FRMD5: variants seen among roughly 807,000 people sequenced by gnomAD.
The protein encoded by FRMD5 is FERM domain containing 5.
A neutral mutation model predicts 69.0 loss-of-function variants in FRMD5; 20 were observed. The ratio of observed to expected loss-of-function variants is 0.29; its 90% CI spans 0.20 to 0.42. FRMD5 has a LOEUF of 0.42. Ranked by LOEUF, FRMD5 falls within the 10% of genes least tolerant of loss-of-function variation. The pLI, the probability that FRMD5 is intolerant of heterozygous loss-of-function variation, is 1.00. For missense variants in FRMD5, 595 were observed against 708.6 expected (o/e 0.84, Z 1.82); for synonymous variants, 271 against 260.1 (o/e 1.04, Z -0.40).
chr15:43,880,839 G>A (rs771239984), intron 13 of FRMD5, among the ~76,000 whole-genome samples: 1 of 152,208 alleles, frequency 6.6e-6, no homozygotes, highest in Non-Finnish European at 1.5e-5. Flanking sequence ...CCCACTGTAC[G>A]TCTCTTTGCA....
In FRMD5 at chr15:43,938,208, G is replaced by T. The variant is rs572715770; in HGVS notation, c.103-13899C>A. On this transcript the variant is annotated intron_variant, in intron 1 of 13. Transcript: ENST00000417257. ...ATCGCGCCACTGGCAATCTGGCCTG[G>T]GCGAAAGAGCGAGACTCCGTCTCAA... is the stretch of plus-strand genomic sequence containing the variant. Among the ~76,000 whole-genome samples, 11 of 147,456 alleles carry T rather than the reference G, an allele frequency of 7.5e-5. No individual in the cohort carries two copies. In the South Asian group the frequency reaches 2.2e-3, roughly 29 times the overall value.
At chr15:43,925,492 C>T (rs1170137576) in intron 1 of FRMD5, among the ~76,000 whole-genome samples, 1 of 152,180 alleles carries the variant, frequency 6.6e-6, no homozygotes, top group African/African-American at 2.4e-5. Context: ...CATGTCACTG[C>T]AATGAATCTA....
chr15:43,954,751 T>G (rs1351311949), intron 1 of FRMD5, among the ~76,000 whole-genome samples: 1 of 152,212 alleles, frequency 6.6e-6, no homozygotes, highest in African/African-American at 2.4e-5. Context: ...TCCATGCCCT[T>G]TAATAAGACT....
intron 1 of FRMD5, among the ~76,000 whole-genome samples, chr15:43,936,125 A>C (rs914312616): frequency 1.3e-5 from 2 of 152,204 alleles, no homozygotes; most frequent in African/African-American, 4.8e-5. Context: ...CATGGTGTCC[A>C]GTGTTTGCAT....
chr15:43,967,658 G>A (rs28431326), intron 1 of FRMD5, among the ~76,000 whole-genome samples: 3 of 152,076 alleles, frequency 2.0e-5, no homozygotes, highest in African/African-American at 7.2e-5. Flanking sequence ...AGGCTGCACT[G>A]TTAGTACATT....
rs532265024 is a variant in FRMD5 at position 43,876,342 on chromosome 15, C to T, written c.1136-1880G>A. On this transcript the variant is annotated intron_variant, in intron 13 of 13. Coordinates refer to ENST00000417257, the MANE Select transcript of FRMD5 (RefSeq NM_032892.5). ...AACTACCCCTGATGCAGAGCTGGGACCACGGTTTGAGTCTCAAGTCTGCCT... is the reference window on the plus strand; with the variant it reads ...AACTACCCCTGATGCAGAGCTGGGATCACGGTTTGAGTCTCAAGTCTGCCT... 45 of 898,534 alleles carry T rather than the reference C, an allele frequency of 5.0e-5. No homozygotes were observed. In the East Asian group the frequency reaches 1.1e-3, roughly 22 times the overall value. 55.7% of individuals were successfully genotyped at this position (898,534 alleles called of 1,614,324 possible).
At position 43,897,487 on chromosome 15, in the gene FRMD5, C is replaced by CAAA. The variant is rs34243475; in HGVS notation, c.639+4685_639+4687dup. On this transcript the variant is annotated intron_variant, in intron 7 of 13. Transcript: ENST00000417257. ...GGGCAACAAGAGTGACACTCCATCTCAAAAAAAAAAAAAAAAAAAAAAAAA... is the reference window on the plus strand; with the variant it reads ...GGGCAACAAGAGTGACACTCCATCTCAAAAAAAAAAAAAAAAAAAAAAAAAAAA... Among the ~76,000 whole-genome samples, 137 of 16,126 alleles carry CAAA rather than the reference C, an allele frequency of 8.5e-3. 14 individuals carry two copies. Among genetic ancestry groups the CAAA allele is most frequent in the East Asian group, 0.053 (21 of 394 alleles). 10.6% of individuals were successfully genotyped at this position (16,126 alleles called of 152,430 possible).
At chr15:44,088,221 T>C (rs924764627) in intron 1 of FRMD5, among the ~76,000 whole-genome samples, 57 of 152,122 alleles carry the variant, frequency 3.7e-4, no homozygotes, top group South Asian at 6.2e-4. Context: ...TTCACAGTTA[T>C]GCAACCATCA....
chr15:44,042,924 C>A (rs1892264471), intron 1 of FRMD5, among the ~76,000 whole-genome samples: 1 of 152,138 alleles, frequency 6.6e-6, no homozygotes, highest in Admixed American at 6.5e-5. Context: ...GAAGTTCTGG[C>A]CAGGGCAATC....
upstream of FRMD5, among the ~76,000 whole-genome samples, chr15:44,195,449 A>C (rs544028435): frequency 6.6e-6 from 1 of 152,212 alleles, no homozygotes; most frequent in Non-Finnish European, 1.5e-5. Flanking sequence ...GGACCTAGTC[A>C]AGCCGGAGCA....
chr15:44,167,797 G>A (rs1315298492), intron 1 of FRMD5, among the ~76,000 whole-genome samples: 1 of 152,056 alleles, frequency 6.6e-6, no homozygotes, highest in East Asian at 1.9e-4. Context: ...CGCTATGTTG[G>A]CCAGGCTGAT....
At chr15:44,109,219 G>T (rs1169622192) in intron 1 of FRMD5, among the ~76,000 whole-genome samples, 1 of 151,892 alleles carries the variant, frequency 6.6e-6, no homozygotes, top group African/African-American at 2.4e-5. Context: ...GCCACTGTTT[G>T]CTCTTTGCAT....
chr15:43,955,920 G>C (rs2090108101), intron 1 of FRMD5, among the ~76,000 whole-genome samples: 1 of 151,962 alleles, frequency 6.6e-6, no homozygotes, highest in Admixed American at 6.6e-5. Flanking sequence ...TTTTTTGGTG[G>C]AAGTTTACCA....
intron 1 of FRMD5, among the ~76,000 whole-genome samples, chr15:44,099,734 T>A (rs1186448507): frequency 6.6e-6 from 1 of 152,108 alleles, no homozygotes; most frequent in Admixed American, 6.5e-5. Context: ...GCAAGTACCA[T>A]AAAGAGGCCA....
rs1029606095 is a variant in FRMD5 at position 44,135,820 on chromosome 15, T to C, written c.102+59133A>G. 1.0e-3 allele frequency among the ~76,000 whole-genome samples: 115 copies of C among 114,072 alleles called. 1 individual carries two copies. Among genetic ancestry groups the C allele is most frequent in the African/African-American group, 4.8e-3 (111 of 23,058 alleles). The allele number at this position is 114,072 out of a possible 152,430, so 74.8% of individuals were successfully genotyped here. Reference sequence around the variant, plus strand: ...GCCTGGGAGACAGAGTGAGACTCTGTCTCAAAAAAAAAAAAAAAAAAAACT... The same window carrying C: ...GCCTGGGAGACAGAGTGAGACTCTGCCTCAAAAAAAAAAAAAAAAAAAACT... On this transcript the variant is annotated intron_variant, in intron 1 of 13. Coordinates refer to ENST00000417257, the MANE Select transcript of FRMD5 (RefSeq NM_032892.5).
chr15:44,058,574 C>T lies in FRMD5; in HGVS notation c.103-134265G>A, dbSNP rs1015530289. On this transcript the variant is annotated intron_variant, in intron 1 of 13. Transcript: ENST00000417257. ...GGCCGAGGTGGGCAGATCACAACGT[C>T]GGGAGATCGAGACCATCCTGGCTAA... 5.3e-5 allele frequency among the ~76,000 whole-genome samples: 8 copies of T among 152,016 alleles called. No homozygotes were observed. In the East Asian group the frequency reaches 1.3e-3, roughly 26 times the overall value.
At chr15:43,988,619 C>T (rs1889515730) in intron 1 of FRMD5, among the ~76,000 whole-genome samples, 1 of 151,936 alleles carries the variant, frequency 6.6e-6, no homozygotes, top group Admixed American at 6.6e-5. Context: ...GCCATGAAAG[C>T]TGATCATTCA....
chr15:44,037,631 CTT>C (rs1244770402), intron 1 of FRMD5, among the ~76,000 whole-genome samples: 10 of 141,198 alleles, frequency 7.1e-5, no homozygotes, highest in Non-Finnish European at 1.1e-4. Flanking sequence ...CCACACCCAG[CTT>C]TTTTTTTTTT....
At chr15:44,156,512 AT>A (rs2140487340) in intron 1 of FRMD5, among the ~76,000 whole-genome samples, 1 of 152,310 alleles carries the variant, frequency 6.6e-6, no homozygotes, top group South Asian at 2.1e-4. Context: ...AAAGTTGAGG[AT>A]TTTTTAGTAG....
Sources: allele counts gnomAD v4.1 joint callset (sites outside exome capture counted in the v4.1 genomes callset), GRCh38; gene constraint gnomAD v4.1.1; transcripts MANE v1.5; gene names NCBI Gene and HGNC (gene_info 2026-07-23, HGNC 2026-07-21).